The following STPG2 variants were observed in gnomAD, a reference collection of about 807,000 sequenced individuals.
STPG2 encodes the protein sperm-tail PG-rich repeat-containing protein 2.
In STPG2, 56 loss-of-function variants were observed where a neutral mutation model predicts 54.2. The ratio of observed to expected loss-of-function variants is 1.03; its 90% CI spans 0.83 to 1.29. The LOEUF (loss-of-function observed/expected upper bound fraction) is 1.29, where lower values mean the gene tolerates loss of function less well. Ranked by LOEUF, STPG2 falls within the 50% of genes most tolerant of loss-of-function variation. The pLI, the probability that STPG2 is intolerant of heterozygous loss-of-function variation, is 0.00. For synonymous variants in STPG2, 200 were observed against 181.8 expected (o/e 1.10, Z -0.81); for missense variants, 596 against 544.9 (o/e 1.09, Z -0.93).
At chr4:97,755,563 T>C (rs1213802078) in intron 9 of STPG2, among the ~76,000 whole-genome samples, 1 of 152,220 alleles carries the variant, frequency 6.6e-6, no homozygotes, top group Non-Finnish European at 1.5e-5. Context: ...CATACTGCCT[T>C]CATTTCTCTT....
chr4:98,063,882 A>G (rs1161419788), intron 5 of STPG2, among the ~76,000 whole-genome samples: 1 of 152,050 alleles, frequency 6.6e-6, no homozygotes, highest in African/African-American at 2.4e-5. Context: ...TCTACAAAAA[A>G]AATATATTTT....
At chr4:98,133,823 T>G (rs758657272) in intron 2 of STPG2, among the ~76,000 whole-genome samples, 1 of 152,018 alleles carries the variant, frequency 6.6e-6, no homozygotes, top group Non-Finnish European at 1.5e-5. Flanking sequence ...GCAAAATTTA[T>G]GTGAAAATGG....
chr4:98,079,991 G>C (rs1410888349), intron 5 of STPG2, among the ~76,000 whole-genome samples: 1 of 151,924 alleles, frequency 6.6e-6, no homozygotes, highest in Non-Finnish European at 1.5e-5. Flanking sequence ...TAATACTTAA[G>C]AATCATAACT....
At position 97,909,529 on chromosome 4, in the gene STPG2, A is replaced by C. The variant is rs542777304; in HGVS notation, c.1044+34368T>G. Among the ~76,000 whole-genome samples, 44 of 152,282 alleles carry C rather than the reference A, an allele frequency of 2.9e-4. No homozygotes were observed. In the South Asian group the frequency reaches 8.7e-3, roughly 30 times the overall value. On this transcript the variant is annotated intron_variant, in intron 8 of 10. Coordinates refer to ENST00000295268, the MANE Select transcript of STPG2 (RefSeq NM_174952.3). ...TAAAAAGGAAATTACAGACCAATGC[A>C]TCCCACAAAAATAGAAACAAAAGTC...
At chr4:97,981,960 C>A (rs967945614) in intron 5 of STPG2, among the ~76,000 whole-genome samples, 1 of 151,222 alleles carries the variant, frequency 6.6e-6, no homozygotes, top group African/African-American at 2.4e-5. Flanking sequence ...TCTCGGCTCA[C>A]TGCAAGCTCC....
intron 8 of STPG2, among the ~76,000 whole-genome samples, chr4:97,867,946 A>G (rs1729850907): frequency 6.6e-6 from 1 of 152,026 alleles, no homozygotes; most frequent in South Asian, 2.1e-4. Context: ...TTTGTTTAAT[A>G]ATTATATTGC....
intron 5 of STPG2, among the ~76,000 whole-genome samples, chr4:98,054,287 C>T (rs1436149207): frequency 2.6e-5 from 4 of 152,114 alleles, no homozygotes; most frequent in Non-Finnish European, 5.9e-5. Flanking sequence ...ACAGGTGTTA[C>T]TCCATATAAA....
chr4:97,823,531 T>C (rs189205777), intron 9 of STPG2, among the ~76,000 whole-genome samples: 239 of 152,354 alleles, frequency 1.6e-3, no homozygotes, highest in African/African-American at 5.6e-3. Flanking sequence ...CTGTTCTGCC[T>C]ATGGAGTAGC....
chr4:97,460,902 T>C (rs1729645767), intron 4 of STPG2, among the ~76,000 whole-genome samples: 1 of 152,236 alleles, frequency 6.6e-6, no homozygotes, highest in South Asian at 2.1e-4. Context: ...TTTCATTCAT[T>C]CAACATTATG....
chr4:97,945,566 G>A (rs1227966838), intron 7 of STPG2, among the ~76,000 whole-genome samples: 1 of 151,878 alleles, frequency 6.6e-6, no homozygotes, highest in Non-Finnish European at 1.5e-5. Context: ...TTTCCATTGG[G>A]TAAATACCCA....
In STPG2 at chr4:97,559,028, T is replaced by A; in HGVS notation, c.*30A>T. On this transcript the variant is annotated 3_prime_UTR_variant, in exon 11 of 11. Transcript: ENST00000295268. ...AGAAATAAACTGACTTCCATGAAGT[T>A]GTTTTTTAAGTTTTTGCCATAAATT... 1 of 1,535,708 alleles carries A rather than the reference T, an allele frequency of 6.5e-7. No homozygotes were observed. The highest frequency in any genetic ancestry group is 8.9e-7 in the Non-Finnish European group (1 of 1,124,852).
intron 10 of STPG2, among the ~76,000 whole-genome samples, chr4:97,571,330 C>T (rs986527379): frequency 6.6e-6 from 1 of 152,038 alleles, no homozygotes; most frequent in Non-Finnish European, 1.5e-5. Flanking sequence ...GAATGCAGCA[C>T]CTGACAGCCA....
chr4:97,972,293 G>C lies in STPG2; in HGVS notation c.920C>G (p.Pro307Arg). 6.3e-7 allele frequency: 1 copy of C among 1,589,046 alleles called. No homozygotes were observed. The highest frequency in any genetic ancestry group is 8.6e-7 in the Non-Finnish European group (1 of 1,168,632). The change falls in exon 7 of 11, where the codon CCT (proline) becomes CGT (arginine). Residue 307 changes from proline to arginine, a missense_variant. By Grantham distance (103) the Pro-to-Arg change is moderately radical (BLOSUM62 -2). Transcript: ENST00000295268. ...VQKEACATPG[P>R]ADYQEFWHSQ... is the part of the protein sequence containing the mutation. ...TGAATGTATTACCTGATAATCAGCA[G>C]GTCCAGGGGTAGCACAAGCTTCTTT... is the stretch of plus-strand genomic sequence containing the variant.
intron 5 of STPG2, among the ~76,000 whole-genome samples, chr4:98,071,465 T>TACA (rs35898397): frequency 6.6e-6 from 1 of 151,638 alleles, no homozygotes; most frequent in African/African-American, 2.4e-5. Flanking sequence ...ATAAAAATCC[T>TACA]AGAAAATCTA....
intron 5 of STPG2, among the ~76,000 whole-genome samples, chr4:98,037,796 C>A (rs1325650605): frequency 6.6e-6 from 1 of 151,772 alleles, no homozygotes; most frequent in Non-Finnish European, 1.5e-5. Context: ...TCCTACATAC[C>A]AACAATAATT....
chr4:97,890,222 C>G (rs1730716284), intron 8 of STPG2, among the ~76,000 whole-genome samples: 1 of 151,952 alleles, frequency 6.6e-6, no homozygotes, highest in Admixed American at 6.6e-5. Flanking sequence ...ATTACCATAA[C>G]AAGATCACTA....
intron 10 of STPG2, among the ~76,000 whole-genome samples, chr4:97,667,012 C>T (rs1354324428): frequency 6.6e-6 from 1 of 152,186 alleles, no homozygotes; most frequent in Non-Finnish European, 1.5e-5. Context: ...TCATCACTAC[C>T]ACCATCCCAC....
At chr4:98,000,628 G>A (rs1170255303) in intron 5 of STPG2, among the ~76,000 whole-genome samples, 1 of 152,082 alleles carries the variant, frequency 6.6e-6, no homozygotes, top group Non-Finnish European at 1.5e-5. Context: ...AAACAAACAT[G>A]CTCTATGTGG....
At chr4:97,799,595 T>C (rs1425272230) in intron 9 of STPG2, among the ~76,000 whole-genome samples, 1 of 152,196 alleles carries the variant, frequency 6.6e-6, no homozygotes, top group Admixed American at 6.5e-5. Flanking sequence ...ACCCGACCTT[T>C]CTCTCTGGCT....
Sources: gnomAD v4.1 joint callset for allele counts (sites outside exome capture counted in the v4.1 genomes callset) on GRCh38, gnomAD v4.1.1 for gene constraint, MANE v1.5 for transcripts, NCBI Gene and HGNC (gene_info 2026-07-23, HGNC 2026-07-21) for gene names.